Variants in NEDD4 observed in about 807,000 individuals in gnomAD.
NEDD4 encodes the protein NEDD4 E3 ubiquitin protein ligase.
A neutral mutation model predicts 144.9 loss-of-function variants in NEDD4; 99 were observed. The ratio of observed to expected loss-of-function variants is 0.68; its 90% CI spans 0.58 to 0.81. NEDD4 has a LOEUF of 0.81. NEDD4 is among the 30% of genes least tolerant of loss of function. The probability of loss-of-function intolerance (pLI) is 0.00; values close to 1 mark genes in which losing one functional copy is unlikely to be tolerated. For synonymous variants in NEDD4, 318 were observed against 350.6 expected (o/e 0.91, Z 1.04); for missense variants, 985 against 1,065.9 (o/e 0.92, Z 1.06).
At chr15:55,954,442 A>G (rs1185756301) in intron 2 of NEDD4, among the ~76,000 whole-genome samples, 1 of 152,206 alleles carries the variant, frequency 6.6e-6, no homozygotes, top group Non-Finnish European at 1.5e-5. Flanking sequence ...CAAAATGTAA[A>G]TGTAATTATG....
intron 4 of NEDD4, among the ~76,000 whole-genome samples, chr15:55,944,208 G>A (rs943941433): frequency 6.6e-6 from 1 of 152,224 alleles, no homozygotes; most frequent in African/African-American, 2.4e-5. Flanking sequence ...GAAGTGCAAG[G>A]GGTCAGGGGA....
chr15:55,850,468 A>G, intron 14 of NEDD4, 74 bp downstream of exon 14: 1 of 1,408,008 alleles, frequency 7.1e-7, no homozygotes. Flanking sequence ...ATACATACTT[A>G]AAGATTTTAA....
chr15:55,871,664 A>G (rs1246021427), intron 7 of NEDD4, among the ~76,000 whole-genome samples: 1 of 152,166 alleles, frequency 6.6e-6, no homozygotes, highest in Non-Finnish European at 1.5e-5. Flanking sequence ...TATTTACATT[A>G]CAAACAGTAA....
At chr15:55,898,931 G>A (rs898785988) in intron 5 of NEDD4, among the ~76,000 whole-genome samples, 19 of 152,166 alleles carry the variant, frequency 1.2e-4, no homozygotes, top group Non-Finnish European at 2.4e-4. Flanking sequence ...GTGAGCCACT[G>A]TACCTGGCCA....
intron 1 of NEDD4, among the ~76,000 whole-genome samples, chr15:55,989,512 T>C (rs1241363544): frequency 6.6e-6 from 1 of 152,208 alleles, no homozygotes; most frequent in Non-Finnish European, 1.5e-5. Flanking sequence ...TCAGCCTTAG[T>C]GGGTCCAGAA....
At chr15:55,935,531 AG>A (rs2036868437) in intron 4 of NEDD4, among the ~76,000 whole-genome samples, 1 of 152,064 alleles carries the variant, frequency 6.6e-6, no homozygotes, top group Non-Finnish European at 1.5e-5. Context: ...TTCTGGAAAA[AG>A]GTTTTTTACT....
At chr15:55,860,314 A>T in intron 11 of NEDD4, 93 bp downstream of exon 11, 1 of 1,304,964 alleles carries the variant, frequency 7.7e-7, no homozygotes, top group Non-Finnish European at 1.1e-6. Context: ...TATTGCATTT[A>T]AGACAAAATT....
intron 1 of NEDD4, 32 bp from the exon 2 acceptor site, chr15:55,966,578 T>C (rs1376100754): frequency 2.2e-6 from 3 of 1,352,610 alleles, no homozygotes; most frequent in Non-Finnish European, 3.0e-6. Flanking sequence ...TTCATTTTCA[T>C]GTACTTATAA....
chr15:55,848,728 A>T, intron 15 of NEDD4, 78 bp downstream of exon 15: 1 of 1,360,750 alleles, frequency 7.3e-7, no homozygotes, highest in South Asian at 1.2e-5. Context: ...ATTATAGATG[A>T]TAAAGAAATA....
intron 5 of NEDD4, among the ~76,000 whole-genome samples, chr15:55,880,780 T>C (rs1240039608): frequency 1.3e-5 from 2 of 152,158 alleles, no homozygotes; most frequent in African/African-American, 4.8e-5. Flanking sequence ...AGATGTTTCC[T>C]AGAAGAGTAG....
At chr15:55,856,758 T>A (rs1305124305) in intron 11 of NEDD4, among the ~76,000 whole-genome samples, 1 of 152,340 alleles carries the variant, frequency 6.6e-6, no homozygotes, top group Admixed American at 6.5e-5. Context: ...ATCTACCCCC[T>A]GGACATTCCA....
At chr15:55,988,896 T>C (rs141415497) in intron 1 of NEDD4, among the ~76,000 whole-genome samples, 228 of 152,324 alleles carry the variant, frequency 1.5e-3, no homozygotes, top group African/African-American at 5.1e-3. Flanking sequence ...AGAAGAATAC[T>C]GGAGCTCTTT....
chr15:55,942,309 A>G (rs2037022322), intron 4 of NEDD4, among the ~76,000 whole-genome samples: 1 of 151,904 alleles, frequency 6.6e-6, no homozygotes, highest in African/African-American at 2.4e-5. Flanking sequence ...CCATTAACAT[A>G]TTTTTTCTGG....
At chr15:55,850,422 C>T in intron 14 of NEDD4, 120 bp downstream of exon 14, 1 of 886,140 alleles carries the variant, frequency 1.1e-6, no homozygotes. Context: ...ATTCAATATA[C>T]CTTTCAATGA....
intron 2 of NEDD4, among the ~76,000 whole-genome samples, chr15:55,956,737 G>A (rs1348216593): frequency 6.6e-6 from 1 of 152,164 alleles, no homozygotes; most frequent in East Asian, 1.9e-4. Flanking sequence ...ATGGGGTAAT[G>A]TAAGTCTTCC....
At chr15:55,992,755 A>C (rs773791473) in intron 1 of NEDD4, among the ~76,000 whole-genome samples, 2 of 152,234 alleles carry the variant, frequency 1.3e-5, no homozygotes, top group Non-Finnish European at 2.9e-5. Flanking sequence ...AGCATTAGTT[A>C]TTTAGCTGAA....
chr15:55,916,790 GCTTCTT>G, intron 5 of NEDD4: 1 of 1,609,382 alleles, frequency 6.2e-7, no homozygotes, highest in Non-Finnish European at 8.5e-7. Context: ...GGTAAGTATT[GCTTCTT>G]CTGGCTGCAA....
At chr15:55,838,013 T>C in intron 23 of NEDD4, 94 bp downstream of exon 23, 1 of 949,838 alleles carries the variant, frequency 1.1e-6, no homozygotes, top group Non-Finnish European at 1.6e-6. Flanking sequence ...ACTGAGATTC[T>C]GGACAAGGGG....
At chr15:55,869,119 C>A (rs1397488152) in intron 8 of NEDD4, among the ~76,000 whole-genome samples, 4 of 152,164 alleles carry the variant, frequency 2.6e-5, no homozygotes, top group African/African-American at 9.6e-5. Flanking sequence ...GCCCCACATA[C>A]AGAAGGCTCT....
Sources: allele counts gnomAD v4.1 joint callset (sites outside exome capture counted in the v4.1 genomes callset), GRCh38; gene constraint gnomAD v4.1.1; transcripts MANE v1.5; gene names NCBI Gene and HGNC (gene_info 2026-07-23, HGNC 2026-07-21).